Variants in OTC observed in about 807,000 individuals in gnomAD.
OTC encodes ornithine transcarbamylase, also known as ornithine transcarbamylase, mitochondrial.
A neutral mutation model predicts 30.3 loss-of-function variants in OTC; 3 were observed. The observed-to-expected ratio is 0.10, with a 90% CI of 0.05 to 0.26. OTC has a LOEUF of 0.26. Among genes scored for constraint, OTC ranks in the 10% least tolerant of loss-of-function variants. The probability of loss-of-function intolerance (pLI) is 1.00; values close to 1 mark genes in which losing one functional copy is unlikely to be tolerated. For synonymous variants in OTC, 111 were observed against 99.7 expected (o/e 1.11, Z -0.67); for missense variants, 194 against 260.3 (o/e 0.75, Z 1.75).
the OTC span, among the ~76,000 whole-genome samples, chrX:38,330,224 C>A: frequency 3.2e-4 from 36 of 111,979 alleles, no homozygotes; most frequent in Non-Finnish European, 6.2e-4. Context: ...GGAATGCAAG[C>A]AGCCTCTGAA....
At chrX:38,403,944 T>C (rs1192044040) in intron 6 of OTC, among the ~76,000 whole-genome samples, 1 of 112,582 alleles carries the variant, frequency 8.9e-6, no homozygotes, top group African/African-American at 3.2e-5. Flanking sequence ...AGAGATAGTC[T>C]TGGCTGATGC....
chrX:38,336,135 C>T, the OTC span, among the ~76,000 whole-genome samples: 2 of 111,064 alleles, frequency 1.8e-5, no homozygotes, highest in Non-Finnish European at 3.8e-5. Context: ...AGGCATTGTG[C>T]AGAAGATCCA....
At chrX:38,360,431 A>G (rs750884537) in intron 1 of OTC, among the ~76,000 whole-genome samples, 4 of 112,019 alleles carry the variant, frequency 3.6e-5, no homozygotes, top group Non-Finnish European at 7.5e-5. Flanking sequence ...CAATAAATAA[A>G]CACATAAATA....
intron 1 of OTC, among the ~76,000 whole-genome samples, chrX:38,359,192 C>T (rs1357522603): frequency 9.0e-6 from 1 of 111,551 alleles, no homozygotes; most frequent in Non-Finnish European, 1.9e-5. Context: ...TGGCCCTTGA[C>T]TCATAGTGCT....
chrX:38,395,975 G>GTT (rs530318557), intron 4 of OTC: 43 of 101,859 alleles, frequency 4.2e-4, no homozygotes, highest in African/African-American at 7.1e-4. Context: ...AATTGATTCT[G>GTT]TTTTTTTTTT....
At chrX:38,385,518 A>T (rs1181001524) in intron 4 of OTC, among the ~76,000 whole-genome samples, 1 of 111,547 alleles carries the variant, frequency 9.0e-6, no homozygotes, top group Non-Finnish European at 1.9e-5. Flanking sequence ...ATAAAATGAC[A>T]GAGCCAGGTA....
chrX:38,381,573 T>C, intron 4 of OTC, 144 bp downstream of exon 4: 1 of 482,170 alleles, frequency 2.1e-6, no homozygotes, highest in Non-Finnish European at 3.7e-6. Flanking sequence ...ATATTCTGAA[T>C]ACCTCTCCCT....
chrX:38,411,076 C>A (rs1338017875), intron 8 of OTC, among the ~76,000 whole-genome samples: 1 of 111,214 alleles, frequency 9.0e-6, no homozygotes, highest in African/African-American at 3.3e-5. Flanking sequence ...TGCTTATAAT[C>A]CTGTTTAATT....
chrX:38,355,241 G>C (rs1158919177), intron 1 of OTC, among the ~76,000 whole-genome samples: 1 of 111,166 alleles, frequency 9.0e-6, no homozygotes, highest in Non-Finnish European at 1.9e-5. Context: ...TAACAAGATC[G>C]ATAGGATCAG....
intron 5 of OTC, among the ~76,000 whole-genome samples, chrX:38,403,031 C>T (rs780584771): frequency 9.0e-6 from 1 of 111,027 alleles, no homozygotes; most frequent in Non-Finnish European, 1.9e-5. Flanking sequence ...AGGCTGGTCT[C>T]GAACTTCTGA....
intron 5 of OTC, among the ~76,000 whole-genome samples, chrX:38,402,128 A>T (rs1390666645): frequency 8.9e-6 from 1 of 112,211 alleles, no homozygotes; most frequent in East Asian, 2.8e-4. Flanking sequence ...ACATTTGAAT[A>T]AACTACACAC....
intron 4 of OTC, among the ~76,000 whole-genome samples, chrX:38,397,853 C>G (rs754058732): frequency 9.0e-6 from 1 of 111,223 alleles, no homozygotes; most frequent in East Asian, 2.8e-4. Context: ...TGATATGGGT[C>G]TCACTATCAT....
chrX:38,383,170 G>A (rs773844240), intron 4 of OTC, among the ~76,000 whole-genome samples: 2 of 110,753 alleles, frequency 1.8e-5, no homozygotes, highest in South Asian at 7.7e-4. Flanking sequence ...ATTGCTACAT[G>A]AATACATGGG....
chrX:38,418,243 A>G (rs773732788), intron 9 of OTC, among the ~76,000 whole-genome samples: 1 of 111,808 alleles, frequency 8.9e-6, no homozygotes, highest in South Asian at 3.8e-4. Context: ...GATTAATGAT[A>G]CTCAGCATTT....
chrX:38,346,399 C>T, the OTC span, among the ~76,000 whole-genome samples: 1 of 112,175 alleles, frequency 8.9e-6, no homozygotes, highest in African/African-American at 3.2e-5. Context: ...ACAGTTTCTT[C>T]AACAGTTAAA....
chrX:38,414,719 A>C (rs1319932632), intron 9 of OTC, among the ~76,000 whole-genome samples: 1 of 112,185 alleles, frequency 8.9e-6, no homozygotes, highest in Non-Finnish European at 1.9e-5. Flanking sequence ...AATTCTGTTG[A>C]GAAGGATTTT....
intron 1 of OTC, among the ~76,000 whole-genome samples, chrX:38,358,625 T>A (rs976355759): frequency 9.8e-6 from 1 of 102,354 alleles, no homozygotes; most frequent in Admixed American, 1.0e-4. Flanking sequence ...GTGGAATTTT[T>A]TTTTTTTTTT....
At chrX:38,355,919 G>A (rs1373731392) in intron 1 of OTC, among the ~76,000 whole-genome samples, 1 of 110,405 alleles carries the variant, frequency 9.1e-6, no homozygotes. Flanking sequence ...CTGGTGGCAT[G>A]CACCTGTAGT....
intron 1 of OTC, among the ~76,000 whole-genome samples, chrX:38,354,270 A>G (rs1250779551): frequency 2.7e-5 from 3 of 112,149 alleles, no homozygotes; most frequent in African/African-American, 9.7e-5. Flanking sequence ...GATAATGTAT[A>G]TGAAACCTAA....
Sources: gnomAD v4.1 joint callset for allele counts (sites outside exome capture counted in the v4.1 genomes callset) on GRCh38, gnomAD v4.1.1 for gene constraint, MANE v1.5 for transcripts, NCBI Gene and HGNC (gene_info 2026-07-23, HGNC 2026-07-21) for gene names.